The following DNAH9 variants were observed in gnomAD, a reference collection of about 807,000 sequenced individuals.
DNAH9 encodes dynein axonemal heavy chain 9.
DNAH9 carries 345 observed loss-of-function variants against 471.6 expected under a neutral mutation model. The ratio of observed to expected loss-of-function variants is 0.73; its 90% CI spans 0.67 to 0.80. DNAH9 has a LOEUF of 0.80. DNAH9 is among the 30% of genes least tolerant of loss of function. DNAH9 has a pLI of 0.00. For synonymous variants in DNAH9, 2,093 were observed against 2,123.6 expected, an observed-to-expected ratio of 0.99 and a Z score of 0.40; for missense variants, 5,407 against 5,609.2, an observed-to-expected ratio of 0.96 and a Z score of 1.15.
intron 48 of DNAH9, among the ~76,000 whole-genome samples, chr17:11,834,270 A>C (rs1447901375): frequency 7.6e-6 from 1 of 131,756 alleles, no homozygotes; most frequent in Non-Finnish European, 1.5e-5. Context: ...CGGAGGTTGC[A>C]GTGAGCCGAG....
intron 45 of DNAH9, among the ~76,000 whole-genome samples, chr17:11,812,028 T>A (rs868079484): frequency 2.0e-3 from 54 of 27,602 alleles, no homozygotes; most frequent in South Asian, 5.5e-3. Flanking sequence ...AAAAAAAAAA[T>A]ATATATATAT....
At position 11,598,512 on chromosome 17, in the gene DNAH9, AGGAGCGGGCCGCGCTCGCGGC is replaced by A. The variant is rs776553619; in HGVS notation, c.19_39del (p.Arg7_Glu13del). 9.5e-5 allele frequency: 128 copies of A among 1,346,728 alleles called. No homozygotes were observed. The highest frequency in any genetic ancestry group is 8.2e-4 in the East Asian group (27 of 32,748). 83.4% of individuals were successfully genotyped at this position (1,346,728 alleles called of 1,614,324 possible). A position where few individuals can be genotyped will look rare whatever the true frequency, so the allele number is the denominator to read the frequency against. ...AGGCCGCGCGCGATGCGGCTCGCGG[AGGAGCGGGCCGCGCTCGCGGC>A]GGAGAACGCGGATGGGGAACCCGGC... is the stretch of plus-strand genomic sequence containing the variant. On this transcript the variant is annotated inframe_deletion, in exon 1 of 69. Coordinates refer to ENST00000262442, the MANE Select transcript of DNAH9 (RefSeq NM_001372.4).
In DNAH9 at chr17:11,962,415, G is replaced by T. The variant is rs1313183276; in HGVS notation, c.13233+159G>T. On this transcript the variant is annotated intron_variant, in intron 68 of 68. Coordinates refer to ENST00000262442, the MANE Select transcript of DNAH9 (RefSeq NM_001372.4). The surrounding 1 kb of genome is among the most constrained non-coding windows in gnomAD (Gnocchi z 4.1). ...TCAGGCCATTTTTATTTAGCCAGGG[G>T]TGGTGCAAAGAGCGTAAGTTTTGCA... Among the ~76,000 whole-genome samples the T allele has an allele frequency of 6.6e-6, 1 of 152,204 alleles. No homozygotes were observed. Among genetic ancestry groups the T allele is most frequent in the Non-Finnish European group, 1.5e-5 (1 of 68,040 alleles).
chr17:11,603,203 A>T (rs779944689), intron 1 of DNAH9, among the ~76,000 whole-genome samples: 7 of 152,230 alleles, frequency 4.6e-5, no homozygotes, highest in Non-Finnish European at 8.8e-5. Flanking sequence ...CTGCTAAGTA[A>T]GCCTTTTATG....
At chr17:11,835,545 A>G (rs1418942013) in intron 49 of DNAH9, among the ~76,000 whole-genome samples, 1 of 152,136 alleles carries the variant, frequency 6.6e-6, no homozygotes, top group Non-Finnish European at 1.5e-5. Flanking sequence ...ATTTTTCACA[A>G]TTAACTTTTT....
chr17:11,830,676 T>C lies in DNAH9; in HGVS notation c.9247-3962T>C, dbSNP rs528387699. On this transcript the variant is annotated intron_variant, in intron 48 of 68. Transcript: ENST00000262442. ...GATGTCGTTATCAAGACGTTTTTGA[T>C]GGCAACCAATGAAAATCCAACTGAA... Among the ~76,000 whole-genome samples, 10 of 152,334 alleles carry C rather than the reference T, an allele frequency of 6.6e-5. No homozygotes were observed. The East Asian group carries it at 1.7e-3, about 26-fold the overall frequency.
chr17:11,964,856 C>T (rs1976556449), intron 68 of DNAH9, among the ~76,000 whole-genome samples: 1 of 151,868 alleles, frequency 6.6e-6, no homozygotes, highest in African/African-American at 2.4e-5. Flanking sequence ...TGTTCCCCAC[C>T]CCCCCACAAA....
chr17:11,646,171 G>A (rs1344237499), intron 11 of DNAH9, among the ~76,000 whole-genome samples: 8 of 138,460 alleles, frequency 5.8e-5, no homozygotes, highest in East Asian at 4.1e-4. Flanking sequence ...GAGCCACCAC[G>A]CCTGGCTAAT....
At chr17:11,797,286 C>T (rs995906562) in intron 42 of DNAH9, among the ~76,000 whole-genome samples, 2 of 152,130 alleles carry the variant, frequency 1.3e-5, no homozygotes, top group African/African-American at 2.4e-5. Flanking sequence ...TTAGAGAAAT[C>T]CACCCATCCA....
At chr17:11,672,720 G>T (rs1227715211) in intron 17 of DNAH9, among the ~76,000 whole-genome samples, 2 of 151,702 alleles carry the variant, frequency 1.3e-5, no homozygotes, top group Non-Finnish European at 2.9e-5. Context: ...TTACATCGTT[G>T]ACCTCCTCCC....
At chr17:11,640,960 T>C (rs1461266964) in intron 10 of DNAH9, among the ~76,000 whole-genome samples, 1 of 152,100 alleles carries the variant, frequency 6.6e-6, no homozygotes, top group Non-Finnish European at 1.5e-5. Context: ...GAAGCTGAGA[T>C]AGAAGCAACT....
chr17:11,891,997 C>G (rs751744734), intron 58 of DNAH9, 50 bp downstream of exon 58: 2 of 1,594,914 alleles, frequency 1.3e-6, no homozygotes, highest in African/African-American at 2.7e-5. Flanking sequence ...TTTTAGTGCC[C>G]AGACAGCAGG....
chr17:11,650,918 T>C, intron 12 of DNAH9, 151 bp from the exon 13 acceptor site: 1 of 782,780 alleles, frequency 1.3e-6, no homozygotes, highest in East Asian at 2.5e-5. Context: ...TTTCCTTTTC[T>C]GAGACTAGAT....
chr17:11,704,573 C>G, intron 25 of DNAH9, 131 bp downstream of exon 25: 1 of 740,394 alleles, frequency 1.4e-6, no homozygotes, highest in Non-Finnish European at 2.1e-6. Context: ...ATCACAGTGG[C>G]TGCTCCTACT....
intron 17 of DNAH9, among the ~76,000 whole-genome samples, chr17:11,677,717 T>C (rs949424453): frequency 6.6e-6 from 1 of 152,138 alleles, no homozygotes; most frequent in Non-Finnish European, 1.5e-5. Flanking sequence ...GACTTCCTTT[T>C]TTGTCTGCTT....
chr17:11,683,916 C>T (rs1024379033), intron 19 of DNAH9, among the ~76,000 whole-genome samples: 11 of 152,168 alleles, frequency 7.2e-5, no homozygotes, highest in African/African-American at 1.7e-4. Context: ...ATCACTAAAG[C>T]GAATCTTAGT....
intron 30 of DNAH9, among the ~76,000 whole-genome samples, chr17:11,744,542 T>C (rs2150839498): frequency 6.6e-6 from 1 of 152,344 alleles, no homozygotes; most frequent in East Asian, 1.9e-4. Context: ...AAAATGGTTC[T>C]GTTTGATCTC....
chr17:11,921,190 G>T (rs1432175326), intron 61 of DNAH9, among the ~76,000 whole-genome samples: 4 of 151,762 alleles, frequency 2.6e-5, no homozygotes, highest in Non-Finnish European at 4.4e-5. Context: ...TTGCAGTAAG[G>T]TGAGATCATG....
At chr17:11,643,919 C>T (rs1382012191) in intron 10 of DNAH9, among the ~76,000 whole-genome samples, 1 of 152,036 alleles carries the variant, frequency 6.6e-6, no homozygotes, top group Non-Finnish European at 1.5e-5. Flanking sequence ...AAAAGTACAG[C>T]AAAAAATAAG....
Sources: allele counts gnomAD v4.1 joint callset (sites outside exome capture counted in the v4.1 genomes callset), GRCh38; gene constraint gnomAD v4.1.1; non-coding constraint Gnocchi (gnomAD v3.1); transcripts MANE v1.5; gene names NCBI Gene and HGNC (gene_info 2026-07-23, HGNC 2026-07-21).